Variants in TMEM132C observed in about 807,000 individuals in gnomAD.
The protein encoded by TMEM132C is transmembrane protein 132C.
Under a neutral mutation model 61.4 loss-of-function variants are expected in TMEM132C, and 29 were observed. The ratio of observed to expected loss-of-function variants is 0.47; its 90% CI spans 0.35 to 0.64. The LOEUF (loss-of-function observed/expected upper bound fraction) is 0.64, where lower values mean the gene tolerates loss of function less well. Among genes scored for constraint, TMEM132C ranks in the 30% least tolerant of loss-of-function variants. The pLI is 0.00. For synonymous variants in TMEM132C, 656 were observed against 633.1 expected (o/e 1.04, Z -0.54); for missense variants, 1,408 against 1,476.9 (o/e 0.95, Z 0.76).
chr12:128,613,110 T>C (rs1876688456), intron 3 of TMEM132C, among the ~76,000 whole-genome samples: 1 of 152,182 alleles, frequency 6.6e-6, no homozygotes, highest in Non-Finnish European at 1.5e-5. Context: ...AGGCATCCGT[T>C]TGGGACTGAA....
chr12:128,497,272 G>A (rs549522576), intron 2 of TMEM132C, among the ~76,000 whole-genome samples: 1 of 152,324 alleles, frequency 6.6e-6, no homozygotes, highest in Non-Finnish European at 1.5e-5. Context: ...TAGGCTACTC[G>A]GGGTCAGGGA....
intron 1 of TMEM132C, among the ~76,000 whole-genome samples, chr12:128,392,207 G>C (rs1713602): frequency 0.07 from 10,720 of 152,184 alleles, 1,193 homozygotes; most frequent in African/African-American, 0.24. Flanking sequence ...AGCTCCTGGG[G>C]GGAGGTGGGT....
At chr12:128,390,008 A>G (rs1002704649) in intron 1 of TMEM132C, among the ~76,000 whole-genome samples, 5 of 152,108 alleles carry the variant, frequency 3.3e-5, no homozygotes, top group African/African-American at 1.2e-4. Context: ...TCTCCTGAGT[A>G]TCTGGGCTAC....
intron 2 of TMEM132C, among the ~76,000 whole-genome samples, chr12:128,499,096 T>A (rs1872070169): frequency 1.3e-5 from 2 of 152,246 alleles, no homozygotes; most frequent in Non-Finnish European, 2.9e-5. Context: ...AAGAGCAAAT[T>A]TGAAGAGCTC....
At chr12:128,426,177 G>A (rs555126043) in intron 2 of TMEM132C, among the ~76,000 whole-genome samples, 10 of 152,316 alleles carry the variant, frequency 6.6e-5, no homozygotes, top group Admixed American at 4.6e-4. Flanking sequence ...CCTCTCCGCC[G>A]GAGGAGTCTA....
intron 2 of TMEM132C, among the ~76,000 whole-genome samples, chr12:128,526,175 A>G (rs1467326323): frequency 2.0e-5 from 3 of 152,228 alleles, no homozygotes; most frequent in Admixed American, 6.5e-5. Flanking sequence ...AAATATTGCA[A>G]TGGACAAAGA....
chr12:128,270,121 G>C (rs1196825856), intron 1 of TMEM132C, among the ~76,000 whole-genome samples: 1 of 152,220 alleles, frequency 6.6e-6, no homozygotes, highest in Non-Finnish European at 1.5e-5. Flanking sequence ...TATAAAGCAA[G>C]TGGAAGGGCG....
intron 5 of TMEM132C, among the ~76,000 whole-genome samples, chr12:128,692,775 T>C (rs1954729554): frequency 6.6e-6 from 1 of 152,194 alleles, no homozygotes; most frequent in South Asian, 2.1e-4. Flanking sequence ...GGGAATGCCC[T>C]CTGGGCTGGT....
intron 4 of TMEM132C, among the ~76,000 whole-genome samples, chr12:128,653,303 A>G (rs1954291637): frequency 6.6e-6 from 1 of 152,178 alleles, no homozygotes. Flanking sequence ...ATGGGATTAG[A>G]GTCGCCTTCT....
chr12:128,418,811 G>T (rs7955301), intron 2 of TMEM132C, among the ~76,000 whole-genome samples: 2 of 152,224 alleles, frequency 1.3e-5, no homozygotes, highest in Non-Finnish European at 2.9e-5. Context: ...AGGAAGTTCA[G>T]TTGGAAAATT....
intron 4 of TMEM132C, among the ~76,000 whole-genome samples, chr12:128,627,887 C>T (rs565786250): frequency 1.3e-5 from 2 of 152,320 alleles, no homozygotes; most frequent in Admixed American, 6.5e-5. Flanking sequence ...GGACAGCTCA[C>T]GGCCAGCAGC....
At chr12:128,504,152 G>A (rs1375153657) in intron 2 of TMEM132C, among the ~76,000 whole-genome samples, 2 of 152,148 alleles carry the variant, frequency 1.3e-5, no homozygotes, top group African/African-American at 2.4e-5. Flanking sequence ...GCCCCAAGCT[G>A]TTCATGTGAC....
chr12:128,637,380 T>C (rs1954112406), intron 4 of TMEM132C, among the ~76,000 whole-genome samples: 1 of 152,158 alleles, frequency 6.6e-6, no homozygotes, highest in Non-Finnish European at 1.5e-5. Flanking sequence ...AGTAAAGTCA[T>C]TCACCCAAAA....
chr12:128,639,862 A>G (rs1445210415), intron 4 of TMEM132C, among the ~76,000 whole-genome samples: 1 of 152,214 alleles, frequency 6.6e-6, no homozygotes, highest in Non-Finnish European at 1.5e-5. Flanking sequence ...CACTGTGGCT[A>G]TGTTAATACC....
chr12:128,399,694 C>G (rs767134470), intron 1 of TMEM132C, among the ~76,000 whole-genome samples: 21 of 152,136 alleles, frequency 1.4e-4, no homozygotes, highest in Non-Finnish European at 2.5e-4. Flanking sequence ...AAGACTTCCT[C>G]TCTATCAGGG....
At chr12:128,382,298 C>T (rs145728172) in intron 1 of TMEM132C, among the ~76,000 whole-genome samples, 192 of 152,234 alleles carry the variant, frequency 1.3e-3, no homozygotes, top group African/African-American at 4.3e-3. Flanking sequence ...ACGTACTGCA[C>T]AGACTGCCAC....
intron 1 of TMEM132C, among the ~76,000 whole-genome samples, chr12:128,321,178 A>G (rs1297591232): frequency 1.4e-5 from 2 of 147,304 alleles, no homozygotes; most frequent in Admixed American, 6.9e-5. Flanking sequence ...TAATAATAAT[A>G]ATGCCAACAT....
intron 2 of TMEM132C, among the ~76,000 whole-genome samples, chr12:128,528,637 G>A (rs1437329364): frequency 1.3e-5 from 2 of 152,130 alleles, no homozygotes; most frequent in Non-Finnish European, 2.9e-5. Flanking sequence ...GAACTGTCCT[G>A]TGTATTGTAG....
intron 3 of TMEM132C, among the ~76,000 whole-genome samples, chr12:128,602,323 GC>G (rs1240294342): frequency 2.6e-5 from 4 of 152,192 alleles, no homozygotes; most frequent in African/African-American, 9.7e-5. Flanking sequence ...TCTTCAACAG[GC>G]ATTGCACTTG....
Sources: allele counts gnomAD v4.1 joint callset (sites outside exome capture counted in the v4.1 genomes callset), GRCh38; gene constraint gnomAD v4.1.1; transcripts MANE v1.5; gene names NCBI Gene and HGNC (gene_info 2026-07-23, HGNC 2026-07-21).